KRT80: variants seen among roughly 807,000 people sequenced by gnomAD.
KRT80 encodes the protein keratin 80.
A neutral mutation model predicts 51.5 loss-of-function variants in KRT80; 36 were observed. The observed-to-expected ratio is 0.70, with a 90% CI of 0.54 to 0.92. The LOEUF (loss-of-function observed/expected upper bound fraction) is 0.92, where lower values mean the gene tolerates loss of function less well. KRT80 is among the 40% of genes least tolerant of loss of function. The pLI is 0.00. For synonymous variants in KRT80, 235 were observed against 248.3 expected (o/e 0.95, Z 0.50); for missense variants, 566 against 591.7 (o/e 0.96, Z 0.45).
At position 52,181,281 on chromosome 12, in the gene KRT80, C is replaced by T. The variant is rs574790018; in HGVS notation, c.510-318G>A. Among the ~76,000 whole-genome samples the T allele has an allele frequency of 2.6e-5, 4 of 152,298 alleles. No individual in the cohort carries two copies. In the East Asian group the frequency reaches 7.7e-4, roughly 29 times the overall value. On this transcript the variant is annotated intron_variant, in intron 2 of 8. Transcript: ENST00000394815. ...CTCCCTGATTGTGCAGCCCCTCACC[C>T]TGGCACTTTATCCCCTCATCTTTAC...
Position 52,191,639 on chromosome 12 carries a change from C to T in KRT80, c.264G>A (p.Lys88=). The change falls in exon 1 of 9, where the codon AAG becomes AAA. Residue 88 remains lysine (K), a synonymous_variant. Transcript: ENST00000394815. ...GGGAGGCAAATTTATCATTGAGGGC[C>T]TTCATCTCCTCCTTCTCCTGGTTCT... The part of the protein sequence containing the change: ...QLKNQEKEEM[K]ALNDKFASLI... 1 of 1,605,374 alleles carries T rather than the reference C, an allele frequency of 6.2e-7. No homozygotes were observed. The highest frequency in any genetic ancestry group is 8.5e-7 in the Non-Finnish European group (1 of 1,174,022).
rs1314108450 is a variant in KRT80 at position 52,169,633 on chromosome 12, A to G, written c.*1765T>C. ...TGGCTGGAGTATGTGTTATCTTTCC[A>G]GATAGTACATACAGACTGATCATGC... is the stretch of plus-strand genomic sequence containing the variant. On this transcript the variant is annotated 3_prime_UTR_variant, in exon 9 of 9. Coordinates refer to ENST00000394815, the MANE Select transcript of KRT80 (RefSeq NM_182507.3). 1 of 152,694 alleles carries G rather than the reference A, an allele frequency of 6.5e-6. No individual in the cohort carries two copies. Among genetic ancestry groups the G allele is most frequent in the Non-Finnish European group, 1.5e-5 (1 of 68,048 alleles). 9.5% of individuals were successfully genotyped at this position (152,694 alleles called of 1,614,324 possible).
chr12:52,190,550 G>A (rs888095638), intron 1 of KRT80, among the ~76,000 whole-genome samples: 1 of 152,254 alleles, frequency 6.6e-6, no homozygotes, highest in Non-Finnish European at 1.5e-5. Flanking sequence ...GAGGCCAAGA[G>A]CAGACAAGGA....
In KRT80 at chr12:52,182,199, C is replaced by T. The variant is rs1450131485; in HGVS notation, c.510-1236G>A. On this transcript the variant is annotated intron_variant, in intron 2 of 8. Transcript: ENST00000394815. ...CTGGGGGTGGGGCAGAGGAGCAGGCCGGGGAGAACGTTCTGCTGTCTAGGC... is the reference window on the plus strand; with the variant it reads ...CTGGGGGTGGGGCAGAGGAGCAGGCTGGGGAGAACGTTCTGCTGTCTAGGC... Among the ~76,000 whole-genome samples the T allele has an allele frequency of 3.9e-5, 6 of 152,170 alleles. No individual in the cohort carries two copies. The South Asian group carries it at 1.3e-3, about 32-fold the overall frequency.
At chr12:52,173,849 G>T in intron 4 of KRT80, 85 bp from the exon 5 acceptor site, 2 of 1,396,718 alleles carry the variant, frequency 1.4e-6, no homozygotes, top group Non-Finnish European at 2.0e-6. Context: ...TGTCCCCGGG[G>T]TGAGCGGAGA....
chr12:52,172,218 C>A lies in KRT80; in HGVS notation c.1158G>T (p.Leu386=). ...LDIEIATYRK[L]VEGEEGRMDS... is the part of the protein sequence containing the mutation. Reference sequence around the variant, plus strand: ...CTCACCTGCCCTCCTCGCCCTCCACCAGCTTCCTGTAGGTGGCGATCTCGA... The same window carrying A: ...CTCACCTGCCCTCCTCGCCCTCCACAAGCTTCCTGTAGGTGGCGATCTCGA... Residue 386 remains leucine, a synonymous_variant, in exon 7 of 9, where the codon CTG becomes CTT. Coordinates refer to ENST00000394815, the MANE Select transcript of KRT80 (RefSeq NM_182507.3). 1.9e-6 allele frequency: 3 copies of A among 1,613,828 alleles called. No individual in the cohort carries two copies. The highest frequency in any genetic ancestry group is 2.5e-6 in the Non-Finnish European group (3 of 1,180,038).
chr12:52,171,291 G>A lies in KRT80; in HGVS notation c.*107C>T. 8.5e-7 allele frequency: 1 copy of A among 1,180,578 alleles called. No homozygotes were observed. The highest frequency in any genetic ancestry group is 1.2e-6 in the Non-Finnish European group (1 of 835,252). 73.1% of individuals were successfully genotyped at this position (1,180,578 alleles called of 1,614,324 possible). The stretch of plus-strand genomic sequence containing the variant: ...AACCCCTCTCTCAGTTCAATATCAG[G>A]TTTTGCCTCTCTTCTCAACCTAGAG... On this transcript the variant is annotated 3_prime_UTR_variant, in exon 9 of 9. Transcript: ENST00000394815.
rs1475682666 is a variant in KRT80, at chr12:52,171,149, C to T, written c.*249G>A. ...TCCGACTCACCCATCAGGAAAACCT[C>T]TGGCCAGAAGGTTGGAAGGATGGGA... On this transcript the variant is annotated 3_prime_UTR_variant, in exon 9 of 9. Transcript: ENST00000394815. The T allele has an allele frequency of 2.8e-6, 1 of 363,336 alleles. No homozygotes were observed. The highest frequency in any genetic ancestry group is 4.9e-6 in the Non-Finnish European group (1 of 202,612). The allele number at this position is 363,336 out of a possible 1,614,324, so 22.5% of individuals were successfully genotyped here. A position where few individuals can be genotyped will look rare whatever the true frequency, so the allele number is the denominator to read the frequency against.
At chr12:52,190,482 C>G (rs898037511) in intron 1 of KRT80, among the ~76,000 whole-genome samples, 1 of 152,232 alleles carries the variant, frequency 6.6e-6, no homozygotes, top group Non-Finnish European at 1.5e-5. Flanking sequence ...CTCTGCCCCT[C>G]TCTGTGAGCT....
chr12:52,182,923 A>C (rs949380650), intron 2 of KRT80, among the ~76,000 whole-genome samples: 12 of 152,170 alleles, frequency 7.9e-5, no homozygotes, highest in African/African-American at 2.9e-4. Flanking sequence ...CCTTAAGACC[A>C]ATACTGTTTC....
Position 52,185,516 on chromosome 12 carries a change from G to A in KRT80, c.372C>T (p.Ala124=). 6.2e-7 allele frequency: 1 copy of A among 1,613,658 alleles called. No individual in the cohort carries two copies. Among genetic ancestry groups the A allele is most frequent in the Non-Finnish European group, 8.5e-7 (1 of 1,180,018 alleles). ...CATAGAGATGCCCGAGGTCGAAGAT[G>A]GCTGAGTCCTGGCCCTGCAGGAAGC... ...RWSFLQGQDS[A]IFDLGHLYEE... is the part of the protein sequence containing the mutation. The change falls in exon 2 of 9, where the codon GCC becomes GCT. Residue 124 remains alanine, a synonymous_variant. Coordinates refer to ENST00000394815, the MANE Select transcript of KRT80 (RefSeq NM_182507.3).
intron 1 of KRT80, among the ~76,000 whole-genome samples, chr12:52,189,015 T>C (rs1288850314): frequency 2.0e-5 from 3 of 152,110 alleles, no homozygotes; most frequent in African/African-American, 7.2e-5. Context: ...AGAGGGTAAA[T>C]GACTTGCCCA....
chr12:52,191,534 A>G, intron 1 of KRT80, 69 bp downstream of exon 1: 1 of 1,436,806 alleles, frequency 7.0e-7, no homozygotes, highest in Middle Eastern at 1.9e-4. Context: ...TGCTCAGGGA[A>G]ACACAGAGCT....
chr12:52,175,490 CT>C (rs957622872), intron 4 of KRT80, among the ~76,000 whole-genome samples: 3 of 152,012 alleles, frequency 2.0e-5, no homozygotes, highest in African/African-American at 7.2e-5. Context: ...GTGCTGAGGC[CT>C]CTGGTTTCTG....
intron 2 of KRT80, among the ~76,000 whole-genome samples, chr12:52,184,757 TTGTC>T (rs1285012186): frequency 6.6e-6 from 1 of 152,176 alleles, no homozygotes; most frequent in Admixed American, 6.5e-5. Context: ...CAGCAACTGT[TTGTC>T]TGTCTGTCTG....
chr12:52,181,462 C>T (rs1436393752), intron 2 of KRT80, among the ~76,000 whole-genome samples: 2 of 152,190 alleles, frequency 1.3e-5, no homozygotes, highest in Non-Finnish European at 2.9e-5. Flanking sequence ...GTATTCCCTC[C>T]AAAGGGAGGC....
At chr12:52,177,823 C>T (rs930792172) in intron 4 of KRT80, among the ~76,000 whole-genome samples, 24 of 152,256 alleles carry the variant, frequency 1.6e-4, no homozygotes, top group Non-Finnish European at 1.8e-4. Context: ...CCAGGTTTTT[C>T]TTCCACCTGA....
At chr12:52,189,585 C>T (rs1295743880) in intron 1 of KRT80, among the ~76,000 whole-genome samples, 1 of 152,230 alleles carries the variant, frequency 6.6e-6, no homozygotes, top group Non-Finnish European at 1.5e-5. Context: ...ACATCTTAAC[C>T]ACTTCCTGCT....
In KRT80 at chr12:52,169,186, T is replaced by A. The variant is rs1025484783; in HGVS notation, c.*2212A>T. ...TCTCAGACTCTTTTAAACAACCATA[T>A]CTATGTGAATTGAGTGAGAACTCAC... is the stretch of plus-strand genomic sequence containing the variant. On this transcript the variant is annotated 3_prime_UTR_variant, in exon 9 of 9. Transcript: ENST00000394815. The A allele has an allele frequency of 2.6e-5, 4 of 151,968 alleles. No homozygotes were observed. The highest frequency in any genetic ancestry group is 9.7e-5 in the African/African-American group (4 of 41,326). The allele number at this position is 151,968 out of a possible 1,614,324, so 9.4% of individuals were successfully genotyped here.
Sources: gnomAD v4.1 joint callset for allele counts (sites outside exome capture counted in the v4.1 genomes callset) on GRCh38, gnomAD v4.1.1 for gene constraint, MANE v1.5 for transcripts, NCBI Gene and HGNC (gene_info 2026-07-23, HGNC 2026-07-21) for gene names.